ADGRL2: variants seen among roughly 807,000 people sequenced by gnomAD.
ADGRL2 encodes adhesion G protein-coupled receptor L2.
Under a neutral mutation model 157.4 loss-of-function variants are expected in ADGRL2, and 44 were observed. The ratio of observed to expected loss-of-function variants is 0.28; its 90% confidence interval spans 0.22 to 0.36. ADGRL2 has a LOEUF of 0.36. ADGRL2 is among the 10% of genes least tolerant of loss of function. The pLI is 1.00. For missense variants in ADGRL2, 1,510 were observed against 1,768.9 expected (o/e 0.85, Z 2.63); for synonymous variants, 585 against 624.7 (o/e 0.94, Z 0.95).
chr1:81,602,991 T>TTAA (rs1365936675), intron 3 of ADGRL2, among the ~76,000 whole-genome samples: 2 of 151,952 alleles, frequency 1.3e-5, no homozygotes, highest in Non-Finnish European at 2.9e-5. Context: ...AAGGCTGGTG[T>TTAA]TAATACCTTA....
At chr1:81,754,705 CCT>C (rs370156350) in intron 1 of ADGRL2, among the ~76,000 whole-genome samples, 115 of 146,926 alleles carry the variant, frequency 7.8e-4, no homozygotes, top group Admixed American at 4.2e-3. Flanking sequence ...TTCCTTCCTT[CCT>C]CTCTCTCTCT....
At chr1:81,503,592 T>A (rs1242475715) in intron 2 of ADGRL2, 151 of 1,097,090 alleles carry the variant, frequency 1.4e-4, no homozygotes, top group Non-Finnish European at 1.9e-4. Flanking sequence ...ACATTGAGAG[T>A]TTGGACGTGT....
chr1:81,783,462 A>G (rs555716754), intron 2 of ADGRL2, among the ~76,000 whole-genome samples: 2 of 150,754 alleles, frequency 1.3e-5, no homozygotes, highest in Non-Finnish European at 3.0e-5. Context: ...CAATTTTTTT[A>G]TTTTTTCTTT....
intron 1 of ADGRL2, among the ~76,000 whole-genome samples, chr1:81,319,336 C>T (rs761105935): frequency 6.6e-6 from 1 of 152,018 alleles, no homozygotes; most frequent in East Asian, 1.9e-4. Context: ...TTAATATATC[C>T]AACAACATTT....
intron 1 of ADGRL2, among the ~76,000 whole-genome samples, chr1:81,322,919 G>A (rs571810608): frequency 2.7e-5 from 4 of 150,342 alleles, no homozygotes; most frequent in Non-Finnish European, 5.9e-5. Context: ...GTGCAGTGGG[G>A]TGATCTCAGC....
chr1:81,966,564 A>C lies in ADGRL2; in HGVS notation c.2304A>C (p.Arg768=), dbSNP rs752510036. Residue 768 remains arginine (R), a synonymous_variant, in exon 13 of 24, where the codon CGA becomes CGC. Transcript: ENST00000686636. ...ISVSINKESS[R]VYLTDPVLFT... ...TTTCAATCAATAAAGAGTCCAGCCG[A>C]GTATACCTGACTGATCCTGTGCTTT... The C allele has an allele frequency of 1.9e-6, 3 of 1,613,994 alleles. No homozygotes were observed. The highest frequency in any genetic ancestry group is 2.5e-6 in the Non-Finnish European group (3 of 1,180,014).
chr1:81,970,237 G>T, intron 15 of ADGRL2, 77 bp from the exon 16 acceptor site: 1 of 894,146 alleles, frequency 1.1e-6, no homozygotes, highest in Non-Finnish European at 1.9e-6. Flanking sequence ...TTCTCTTAGT[G>T]AGTATTTTAT....
intron 1 of ADGRL2, among the ~76,000 whole-genome samples, chr1:81,758,939 A>T (rs769765587): frequency 6.6e-6 from 1 of 152,102 alleles, no homozygotes; most frequent in South Asian, 2.1e-4. Context: ...TATATTTTTA[A>T]TTAAACTTCT....
At chr1:81,327,192 A>G (rs1236841215) in intron 1 of ADGRL2, among the ~76,000 whole-genome samples, 1 of 152,190 alleles carries the variant, frequency 6.6e-6, no homozygotes, top group Non-Finnish European at 1.5e-5. Flanking sequence ...ATAATGCTCC[A>G]TGTGATTATC....
intron 2 of ADGRL2, among the ~76,000 whole-genome samples, chr1:81,447,810 G>A (rs1187687866): frequency 6.6e-6 from 1 of 152,112 alleles, no homozygotes; most frequent in East Asian, 1.9e-4. Context: ...CAAATCTCAT[G>A]TTCAATTGTA....
intron 2 of ADGRL2, among the ~76,000 whole-genome samples, chr1:81,871,698 T>C (rs2093698904): frequency 6.6e-6 from 1 of 152,228 alleles, no homozygotes; most frequent in Non-Finnish European, 1.5e-5. Flanking sequence ...ATGATGAGCA[T>C]TTTTTCATGT....
At chr1:81,484,634 T>A (rs2078461356) in intron 2 of ADGRL2, among the ~76,000 whole-genome samples, 1 of 152,192 alleles carries the variant, frequency 6.6e-6, no homozygotes, top group Non-Finnish European at 1.5e-5. Flanking sequence ...GGTTATCTTG[T>A]ACACAGTGTA....
At chr1:81,527,866 G>T (rs867107805) in intron 2 of ADGRL2, among the ~76,000 whole-genome samples, 1 of 152,168 alleles carries the variant, frequency 6.6e-6, no homozygotes, top group Middle Eastern at 3.4e-3. Context: ...AGGAGATCGA[G>T]ACCATCCTGG....
At chr1:81,377,608 G>T (rs1331478984) in intron 1 of ADGRL2, among the ~76,000 whole-genome samples, 1 of 151,998 alleles carries the variant, frequency 6.6e-6, no homozygotes, top group African/African-American at 2.4e-5. Context: ...TCCTGCAGGG[G>T]TCATGATACG....
chr1:81,343,153 G>A (rs1242021835), intron 1 of ADGRL2, among the ~76,000 whole-genome samples: 1 of 134,814 alleles, frequency 7.4e-6, no homozygotes, highest in African/African-American at 2.9e-5. Context: ...CAGTGGTCCA[G>A]TCTCGGTTCA....
intron 1 of ADGRL2, among the ~76,000 whole-genome samples, chr1:81,326,598 A>C (rs1660916322): frequency 6.6e-6 from 1 of 152,244 alleles, no homozygotes; most frequent in South Asian, 2.1e-4. Flanking sequence ...GTTTAAGTGA[A>C]CTACATACAA....
Position 81,751,101 on chromosome 1 carries a change from A to T in ADGRL2, c.-142-10710A>T, listed in dbSNP as rs144010385. ...GAAGTATTAAAACAATGCCAGGGACATGTCAAAGAAAGATGTCAGACAGAA... is the reference window on the plus strand; with the variant it reads ...GAAGTATTAAAACAATGCCAGGGACTTGTCAAAGAAAGATGTCAGACAGAA... On this transcript the variant is annotated intron_variant, in intron 1 of 20. Coordinates refer to the ADGRL2 transcript ENST00000359929. 6.9e-4 allele frequency among the ~76,000 whole-genome samples: 105 copies of T among 152,316 alleles called. 2 individuals are homozygous for T. The East Asian group carries it at 0.019, about 27-fold the overall frequency.
chr1:81,578,408 C>T (rs1049940826), intron 2 of ADGRL2, among the ~76,000 whole-genome samples: 1 of 152,150 alleles, frequency 6.6e-6, no homozygotes, highest in African/African-American at 2.4e-5. Flanking sequence ...TAATCCACTA[C>T]TAAAGTTGTT....
intron 3 of ADGRL2, among the ~76,000 whole-genome samples, chr1:81,662,630 C>T (rs1557546758): frequency 6.6e-6 from 1 of 151,832 alleles, no homozygotes. Flanking sequence ...TTTCGGCTCA[C>T]TGCAACCTCC....
Sources: allele counts gnomAD v4.1 joint callset (sites outside exome capture counted in the v4.1 genomes callset), GRCh38; gene constraint gnomAD v4.1.1; transcripts MANE v1.5; gene names NCBI Gene and HGNC (gene_info 2026-07-23, HGNC 2026-07-21).